Variants in MYO1E observed in about 807,000 individuals in gnomAD.
MYO1E encodes the protein unconventional myosin-Ie.
MYO1E carries 68 observed loss-of-function variants against 151.1 expected under a neutral mutation model. That is an observed-to-expected ratio of 0.45 (90% CI 0.37 to 0.55). The LOEUF (loss-of-function observed/expected upper bound fraction) is 0.55, where lower values mean the gene tolerates loss of function less well. MYO1E is among the 20% of genes least tolerant of loss of function. The probability of loss-of-function intolerance (pLI) is 0.00; values close to 1 mark genes in which losing one functional copy is unlikely to be tolerated. For synonymous variants in MYO1E, 601 were observed against 501.7 expected, an observed-to-expected ratio of 1.20 and a Z score of -2.64; for missense variants, 1,363 against 1,389.3, an observed-to-expected ratio of 0.98 and a Z score of 0.30.
intron 1 of MYO1E, among the ~76,000 whole-genome samples, chr15:59,272,762 T>C (rs945741818): frequency 2.0e-5 from 3 of 152,194 alleles, no homozygotes; most frequent in South Asian, 2.1e-4. Context: ...TAAAATAATA[T>C]GTGTGAAGTG....
At chr15:59,160,986 CA>C (rs1403732865) in intron 24 of MYO1E, 86 bp downstream of exon 24, 1 of 1,541,624 alleles carries the variant, frequency 6.5e-7, no homozygotes. Context: ...TCTCAGCCCC[CA>C]CATCTGTGCA....
chr15:59,332,590 C>T (rs2080704428), intron 1 of MYO1E, among the ~76,000 whole-genome samples: 1 of 152,182 alleles, frequency 6.6e-6, no homozygotes, highest in Non-Finnish European at 1.5e-5. Context: ...AAATCCACAG[C>T]AGGATTGTCA....
At chr15:59,197,424 C>T (rs1291078959) in intron 16 of MYO1E, among the ~76,000 whole-genome samples, 3 of 152,162 alleles carry the variant, frequency 2.0e-5, no homozygotes, top group African/African-American at 4.8e-5. Context: ...AAGTCACTTG[C>T]CATAGTCCTC....
intron 27 of MYO1E, 144 bp from the exon 28 acceptor site, chr15:59,137,600 A>G: frequency 1.4e-6 from 1 of 728,774 alleles, no homozygotes; most frequent in Non-Finnish European, 2.5e-6. Flanking sequence ...AGTTTGTTGA[A>G]AAAAGTAAGA....
intron 15 of MYO1E, 32 bp downstream of exon 15, chr15:59,205,368 A>T (rs2079826585): frequency 6.3e-7 from 1 of 1,597,882 alleles, no homozygotes; most frequent in South Asian, 1.1e-5. Flanking sequence ...TCAAACCTAT[A>T]TCCCCTGTCA....
rs1201257331 is a variant in MYO1E at position 59,372,644 on chromosome 15, T to C, written c.-144A>G. The C allele has an allele frequency of 7.5e-6, 8 of 1,070,340 alleles. No homozygotes were observed. The highest frequency in any genetic ancestry group is 2.7e-5 in the East Asian group (1 of 36,914). 66.3% of individuals were successfully genotyped at this position (1,070,340 alleles called of 1,614,324 possible). The stretch of plus-strand genomic sequence containing the variant: ...ACACCCAAGCACTCACAGGAGCCAA[T>C]GGGAACCCAGAGGGGACTCCATCCA... On this transcript the variant is annotated 5_prime_UTR_variant, in exon 1 of 28. Transcript: ENST00000288235.
intron 1 of MYO1E, among the ~76,000 whole-genome samples, chr15:59,278,941 G>T (rs1289968284): frequency 1.3e-5 from 2 of 152,104 alleles, no homozygotes; most frequent in African/African-American, 4.8e-5. Context: ...GTACCATGTT[G>T]CCTCTGCTTG....
At chr15:59,270,817 C>T (rs1232627701) in intron 2 of MYO1E, 2 of 152,012 alleles carry the variant, frequency 1.3e-5, no homozygotes, top group Non-Finnish European at 2.9e-5. Flanking sequence ...CCACCATACC[C>T]CGCTAATTTT....
chr15:59,313,682 T>G (rs923543201), intron 1 of MYO1E, among the ~76,000 whole-genome samples: 1 of 152,218 alleles, frequency 6.6e-6, no homozygotes, highest in South Asian at 2.1e-4. Context: ...GGATTTATTT[T>G]GATTTGTGTT....
chr15:59,276,089 T>C (rs1347999946), intron 1 of MYO1E, among the ~76,000 whole-genome samples: 1 of 152,134 alleles, frequency 6.6e-6, no homozygotes, highest in African/African-American at 2.4e-5. Flanking sequence ...GCAATAGGGC[T>C]CTGGGGCAAC....
chr15:59,216,569 TAA>T (rs2140344339), intron 10 of MYO1E, among the ~76,000 whole-genome samples: 2 of 69,812 alleles, frequency 2.9e-5, no homozygotes, highest in Middle Eastern at 7.9e-3. Context: ...TATTCATATA[TAA>T]GAGTTTATGT....
intron 1 of MYO1E, among the ~76,000 whole-genome samples, chr15:59,273,967 A>C (rs2080303608): frequency 6.6e-6 from 1 of 152,236 alleles, no homozygotes; most frequent in East Asian, 1.9e-4. Context: ...GGATGAAAAA[A>C]GGGAAAAGGA....
In MYO1E at chr15:59,136,932, T is replaced by A; in HGVS notation, c.*448A>T. On this transcript the variant is annotated 3_prime_UTR_variant, in exon 28 of 28. Coordinates refer to ENST00000288235, the MANE Select transcript of MYO1E (RefSeq NM_004998.4). ...AGGGCGGGTCCTCCCTGAAGGAAGG[T>A]GGCAGAGAGGAATGTGTCTATCAGG... The A allele has an allele frequency of 2.8e-6, 1 of 360,746 alleles. No individual in the cohort carries two copies. The highest frequency in any genetic ancestry group is 2.0e-5 in the South Asian group (1 of 49,122). The allele number at this position is 360,746 out of a possible 1,614,324, so 22.3% of individuals were successfully genotyped here.
At chr15:59,286,596 A>C (rs772653497) in intron 1 of MYO1E, among the ~76,000 whole-genome samples, 2 of 152,070 alleles carry the variant, frequency 1.3e-5, no homozygotes, top group Admixed American at 6.6e-5. Flanking sequence ...GGGTGTCTTG[A>C]TGTGGGCACA....
At chr15:59,199,678 G>A (rs1206350718) in intron 16 of MYO1E, among the ~76,000 whole-genome samples, 1 of 152,052 alleles carries the variant, frequency 6.6e-6, no homozygotes, top group Non-Finnish European at 1.5e-5. Context: ...CTACAAATCA[G>A]TTTAAATTTT....
intron 4 of MYO1E, among the ~76,000 whole-genome samples, chr15:59,245,651 T>C (rs2080125361): frequency 6.6e-6 from 1 of 152,238 alleles, no homozygotes; most frequent in Non-Finnish European, 1.5e-5. Context: ...CCAAATGGGA[T>C]GCTTTCCAAT....
At chr15:59,365,839 C>G (rs982501972) in intron 1 of MYO1E, among the ~76,000 whole-genome samples, 1 of 152,122 alleles carries the variant, frequency 6.6e-6, no homozygotes, top group Non-Finnish European at 1.5e-5. Context: ...CTAATTGTTC[C>G]GCCTTTGAGG....
In MYO1E at chr15:59,172,016, G is replaced by C; in HGVS notation, c.2361C>G (p.Thr787=). The change falls in exon 22 of 28, where the codon ACC becomes ACG. Residue 787 remains threonine (T), a synonymous_variant. Transcript: ENST00000288235. ...FKGVKRDLLL[T]PKCLYLIGRE... is the part of the protein sequence containing the mutation. ...GTCCGATTAAGTACAAGCACTTTGG[G>C]GTAAGGAGCAGGTCTCGCTTTACAC... The C allele has an allele frequency of 6.2e-7, 1 of 1,614,142 alleles. No homozygotes were observed. Among genetic ancestry groups the C allele is most frequent in the Non-Finnish European group, 8.5e-7 (1 of 1,180,032 alleles).
intron 6 of MYO1E, among the ~76,000 whole-genome samples, chr15:59,228,696 C>T (rs776267813): frequency 1.6e-4 from 24 of 151,986 alleles, no homozygotes; most frequent in Non-Finnish European, 3.1e-4. Context: ...CCAGCCTCAT[C>T]GCATTCACAT....
Sources: gnomAD v4.1 joint callset for allele counts (sites outside exome capture counted in the v4.1 genomes callset) on GRCh38, gnomAD v4.1.1 for gene constraint, MANE v1.5 for transcripts, NCBI Gene and HGNC (gene_info 2026-07-23, HGNC 2026-07-21) for gene names.